SLC14A2: variants seen among roughly 807,000 people sequenced by gnomAD.
SLC14A2 encodes the protein urea transporter 2.
In SLC14A2, 91 loss-of-function variants were observed where a neutral mutation model predicts 104.6. That is an observed-to-expected ratio of 0.87 (90% CI 0.73 to 1.04). The LOEUF (loss-of-function observed/expected upper bound fraction) is 1.04, where lower values mean the gene tolerates loss of function less well. Among genes scored for constraint, SLC14A2 ranks in the 50% least tolerant of loss-of-function variants. The probability of loss-of-function intolerance (pLI) is 0.00; values close to 1 mark genes in which losing one functional copy is unlikely to be tolerated. For synonymous variants in SLC14A2, 476 were observed against 466.4 expected, an observed-to-expected ratio of 1.02 and a Z score of -0.27; for missense variants, 1,189 against 1,156.0, an observed-to-expected ratio of 1.03 and a Z score of -0.41.
At position 45,625,828 on chromosome 18, in the gene SLC14A2, C is replaced by G; in HGVS notation, c.296C>G (p.Thr99Arg). Reference sequence around the variant, plus strand: ...CTCTCCAAAGCAGTGGGCTACCTCACGGGCGACATGAAGGAGTACAGGATC... The same window carrying G: ...CTCTCCAAAGCAGTGGGCTACCTCAGGGGCGACATGAAGGAGTACAGGATC... ...ICLSKAVGYL[T>R]GDMKEYRIWL... The change falls in exon 3 of 20, where the codon ACG (threonine) becomes AGG (arginine). Residue 99 changes from threonine to arginine, a missense_variant. Coordinates refer to ENST00000255226, the MANE Select transcript of SLC14A2 (RefSeq NM_007163.4). 1 of 1,505,552 alleles carries G rather than the reference C, an allele frequency of 6.6e-7. No individual in the cohort carries two copies. Among genetic ancestry groups the G allele is most frequent in the Non-Finnish European group, 8.8e-7 (1 of 1,131,234 alleles). 93.3% of individuals were successfully genotyped at this position (1,505,552 alleles called of 1,614,324 possible).
At chr18:45,442,880 C>T (rs2086702374) in intron 1 of SLC14A2, among the ~76,000 whole-genome samples, 1 of 152,124 alleles carries the variant, frequency 6.6e-6, no homozygotes, top group Non-Finnish European at 1.5e-5. Flanking sequence ...ATACATCAAC[C>T]ATATTGTCTA....
At chr18:45,245,142 G>T (rs2084356589) in intron 1 of SLC14A2, among the ~76,000 whole-genome samples, 1 of 152,304 alleles carries the variant, frequency 6.6e-6, no homozygotes, top group Non-Finnish European at 1.5e-5. Context: ...TCTGCAGGAG[G>T]ATCAAGGAGT....
At chr18:45,408,524 C>T (rs1486418618) in intron 1 of SLC14A2, among the ~76,000 whole-genome samples, 3 of 152,154 alleles carry the variant, frequency 2.0e-5, no homozygotes, top group African/African-American at 4.8e-5. Context: ...ATGTACATAG[C>T]AGCTTCCAGC....
At chr18:45,200,932 C>G in the SLC14A2 span, among the ~76,000 whole-genome samples, 1 of 152,030 alleles carries the variant, frequency 6.6e-6, no homozygotes, top group East Asian at 1.9e-4. Context: ...TTTACCTCTT[C>G]TCTTCTAGGA....
intron 1 of SLC14A2, among the ~76,000 whole-genome samples, chr18:45,313,474 C>T (rs1253731982): frequency 2.6e-5 from 4 of 152,202 alleles, no homozygotes; most frequent in Non-Finnish European, 5.9e-5. Flanking sequence ...GCTATACCGT[C>T]TCTCATTCAG....
chr18:45,318,659 T>G (rs2085154960), intron 1 of SLC14A2, among the ~76,000 whole-genome samples: 1 of 151,700 alleles, frequency 6.6e-6, no homozygotes, highest in Admixed American at 6.6e-5. Context: ...TGGTGGTGGG[T>G]GCCTGTCATC....
At chr18:45,358,586 T>A (rs966451404) in intron 1 of SLC14A2, among the ~76,000 whole-genome samples, 1 of 151,900 alleles carries the variant, frequency 6.6e-6, no homozygotes, top group Non-Finnish European at 1.5e-5. Context: ...TTCCCCATAA[T>A]TTTTTTTAGG....
At chr18:45,594,611 G>C (rs1322707451) in intron 2 of SLC14A2, among the ~76,000 whole-genome samples, 1 of 152,088 alleles carries the variant, frequency 6.6e-6, no homozygotes, top group Admixed American at 6.5e-5. Flanking sequence ...AGGCAGAGTG[G>C]GCACAGCCGT....
At chr18:45,436,032 T>C (rs2086590489) in intron 1 of SLC14A2, among the ~76,000 whole-genome samples, 1 of 152,124 alleles carries the variant, frequency 6.6e-6, no homozygotes, top group Admixed American at 6.5e-5. Flanking sequence ...GCTCTATTAC[T>C]ATTAATAGAG....
chr18:45,185,597 T>A, the SLC14A2 span, among the ~76,000 whole-genome samples: 1 of 152,180 alleles, frequency 6.6e-6, no homozygotes, highest in Non-Finnish European at 1.5e-5. Flanking sequence ...GACAAGGATG[T>A]CTACCCTATC....
At chr18:45,507,574 G>T (rs994914521) in intron 2 of SLC14A2, among the ~76,000 whole-genome samples, 1 of 152,170 alleles carries the variant, frequency 6.6e-6, no homozygotes, top group Non-Finnish European at 1.5e-5. Flanking sequence ...AATCTGTGGG[G>T]ACACAGACTC....
chr18:45,241,224 C>T (rs1050573128), intron 1 of SLC14A2, among the ~76,000 whole-genome samples: 5 of 152,146 alleles, frequency 3.3e-5, no homozygotes, highest in South Asian at 2.1e-4. Context: ...GAGTAAAAGG[C>T]TAGGAACTTT....
At chr18:45,484,928 T>A (rs915396836) in intron 2 of SLC14A2, among the ~76,000 whole-genome samples, 1 of 152,222 alleles carries the variant, frequency 6.6e-6, no homozygotes, top group African/African-American at 2.4e-5. Flanking sequence ...TAGCCACATA[T>A]ATAAATAATT....
chr18:45,630,513 G>T (rs951428794), intron 4 of SLC14A2, among the ~76,000 whole-genome samples: 1 of 152,158 alleles, frequency 6.6e-6, no homozygotes, highest in East Asian at 1.9e-4. Context: ...TGGCACTGGA[G>T]TTGAACCCAA....
At chr18:45,646,475 C>A (rs1552324) in intron 10 of SLC14A2, 56,107 of 152,000 alleles carry the variant, frequency 0.37, 11,432 homozygotes, top group South Asian at 0.5. Flanking sequence ...CACTCATTGC[C>A]CTAGAAAATC....
At chr18:45,563,160 G>A (rs952849027) in intron 2 of SLC14A2, among the ~76,000 whole-genome samples, 9 of 152,206 alleles carry the variant, frequency 5.9e-5, no homozygotes, top group African/African-American at 1.7e-4. Flanking sequence ...GCCCCTTGTA[G>A]AATGAGAGGC....
At chr18:45,634,924 A>C (rs2045395201) in intron 5 of SLC14A2, 1 of 456,062 alleles carries the variant, frequency 2.2e-6, no homozygotes, top group Admixed American at 2.4e-5. Context: ...GACAGTGTTT[A>C]GATTAGAGTG....
intron 19 of SLC14A2, among the ~76,000 whole-genome samples, chr18:45,680,131 G>A (rs1276787724): frequency 6.6e-6 from 1 of 152,158 alleles, no homozygotes; most frequent in Non-Finnish European, 1.5e-5. Flanking sequence ...GGGGAATAAG[G>A]GCATGAAGTA....
intron 2 of SLC14A2, among the ~76,000 whole-genome samples, chr18:45,597,108 A>G (rs969243238): frequency 5.9e-5 from 9 of 152,262 alleles, no homozygotes; most frequent in Non-Finnish European, 1.0e-4. Context: ...ACTTGAGGTC[A>G]GGAGTTCGAG....
Sources: allele counts gnomAD v4.1 joint callset (sites outside exome capture counted in the v4.1 genomes callset), GRCh38; gene constraint gnomAD v4.1.1; transcripts MANE v1.5; gene names NCBI Gene and HGNC (gene_info 2026-07-23, HGNC 2026-07-21).